Variants in RBFOX1 observed in about 807,000 individuals in gnomAD.
RBFOX1 encodes the protein RNA binding fox-1 homolog 1.
RBFOX1 carries 8 observed loss-of-function variants against 57.7 expected under a neutral mutation model. The observed-to-expected ratio is 0.14, with a 90% CI of 0.08 to 0.25. The LOEUF (loss-of-function observed/expected upper bound fraction) is 0.25, where lower values mean the gene tolerates loss of function less well. Ranked by LOEUF, RBFOX1 falls within the 10% of genes least tolerant of loss-of-function variation. RBFOX1 has a pLI of 1.00. For missense variants in RBFOX1, 611 were observed against 548.5 expected (o/e 1.11, Z -1.14); for synonymous variants, 326 against 222.4 (o/e 1.47, Z -4.15).
chr16:7,430,306 A>G (rs940440804), intron 4 of RBFOX1, among the ~76,000 whole-genome samples: 1 of 152,192 alleles, frequency 6.6e-6, no homozygotes, highest in Non-Finnish European at 1.5e-5. Flanking sequence ...TCCCAAAAGC[A>G]AAGCTGCAGC....
chr16:6,972,346 G>A (rs1025807818), intron 3 of RBFOX1, among the ~76,000 whole-genome samples: 1 of 151,760 alleles, frequency 6.6e-6, no homozygotes, highest in African/African-American at 2.4e-5. Flanking sequence ...ATTATACAGC[G>A]TTTCTCCTTT....
intron 12 of RBFOX1, among the ~76,000 whole-genome samples, chr16:7,660,905 A>T (rs2067557849): frequency 6.6e-6 from 1 of 152,180 alleles, no homozygotes; most frequent in South Asian, 2.1e-4. Flanking sequence ...CTGGGCTCAA[A>T]TCCCAGTTCA....
chr16:6,985,801 T>A (rs1411147826), intron 3 of RBFOX1, among the ~76,000 whole-genome samples: 1 of 127,820 alleles, frequency 7.8e-6, no homozygotes, highest in African/African-American at 3.1e-5. Context: ...GCTACTGCAC[T>A]CCGGCCTGGG....
chr16:5,431,589 G>A lies in RBFOX1; in HGVS notation c.220-35627G>A, dbSNP rs374780359. On this transcript the variant is annotated intron_variant, in intron 1 of 2. Transcript: ENST00000585867. ...GGGGTTTCACCATGTTGGCCAGGCT[G>A]GTCTCGAACTCCTGACCTTGTGATC... Among the ~76,000 whole-genome samples the A allele has an allele frequency of 1.8e-4, 27 of 152,178 alleles. 1 individual carries two copies. In the South Asian group the frequency reaches 5.0e-3, roughly 28 times the overall value.
intron 4 of RBFOX1, among the ~76,000 whole-genome samples, chr16:7,200,916 A>G (rs768014254): frequency 6.6e-6 from 1 of 152,196 alleles, no homozygotes; most frequent in Non-Finnish European, 1.5e-5. Context: ...ATGGAATAAA[A>G]AAGTGAATGA....
chr16:7,352,829 C>A (rs1056145010), intron 4 of RBFOX1, among the ~76,000 whole-genome samples: 4 of 152,228 alleles, frequency 2.6e-5, no homozygotes, highest in Admixed American at 1.3e-4. Flanking sequence ...GATCCTCCCA[C>A]CTCAACCTCC....
intron 1 of RBFOX1, among the ~76,000 whole-genome samples, chr16:5,380,394 C>G (rs1476156560): frequency 2.0e-5 from 3 of 152,148 alleles, no homozygotes; most frequent in African/African-American, 7.2e-5. Context: ...TAAAATATCC[C>G]CACAACTCAG....
chr16:6,984,437 C>T (rs2153597646), intron 3 of RBFOX1, among the ~76,000 whole-genome samples: 1 of 152,224 alleles, frequency 6.6e-6, no homozygotes, highest in South Asian at 2.1e-4. Context: ...GACGAACCAT[C>T]AGGAAAACAA....
In RBFOX1 at chr16:7,634,540, G is replaced by C. The variant is rs141977643; in HGVS notation, c.757+3857G>C. Among the ~76,000 whole-genome samples the C allele has an allele frequency of 2.2e-3, 328 of 152,212 alleles. 1 individual carries two copies. The highest frequency in any genetic ancestry group is 7.5e-3 in the African/African-American group (312 of 41,528). The stretch of plus-strand genomic sequence containing the variant: ...AAAATAATTCCTACTGAAGTTATCT[G>C]CTTTTGATATGCATTTTTGCATAAC... On this transcript the variant is annotated intron_variant, in intron 11 of 15. Coordinates refer to ENST00000550418, the MANE Select transcript of RBFOX1 (RefSeq NM_018723.4).
intron 3 of RBFOX1, among the ~76,000 whole-genome samples, chr16:5,758,620 A>G (rs2053480861): frequency 6.6e-6 from 1 of 152,196 alleles, no homozygotes; most frequent in African/African-American, 2.4e-5. Flanking sequence ...GAAAGGTACA[A>G]AATTAAGACC....
At chr16:7,035,559 A>C (rs1280042137) in intron 3 of RBFOX1, among the ~76,000 whole-genome samples, 4 of 152,146 alleles carry the variant, frequency 2.6e-5, no homozygotes, top group Non-Finnish European at 5.9e-5. Flanking sequence ...ACTTGTGAAA[A>C]TATTTTCTTT....
In RBFOX1 at chr16:7,711,597, ATTTTTTTC is replaced by A. The variant is rs1568631443; in HGVS notation, c.*861_*868del. 2 of 152,452 alleles carry A rather than the reference ATTTTTTTC, an allele frequency of 1.3e-5. No homozygotes were observed. 9.4% of individuals were successfully genotyped at this position (152,452 alleles called of 1,614,324 possible). On this transcript the variant is annotated 3_prime_UTR_variant, in exon 16 of 16. Transcript: ENST00000550418. ...AAGGTGATAAAAAAGCACTGTTTCTATTTTTTTCTTTTTTTCCAAAAAAAGAAAGTAAT... is the reference window on the plus strand; with the variant it reads ...AAGGTGATAAAAAAGCACTGTTTCTATTTTTTTCCAAAAAAAGAAAGTAAT...
intron 4 of RBFOX1, among the ~76,000 whole-genome samples, chr16:7,116,527 T>G (rs976460803): frequency 2.6e-5 from 4 of 152,192 alleles, no homozygotes; most frequent in Admixed American, 1.3e-4. Flanking sequence ...TGGATTTGTC[T>G]CTGCTCCAGC....
chr16:5,721,986 C>A (rs1273430900), intron 3 of RBFOX1, among the ~76,000 whole-genome samples: 2 of 152,110 alleles, frequency 1.3e-5, no homozygotes, highest in Non-Finnish European at 2.9e-5. Flanking sequence ...GCATTTTGAC[C>A]CCATAGCACA....
At chr16:5,337,559 A>G (rs1196441614) in intron 1 of RBFOX1, among the ~76,000 whole-genome samples, 3 of 152,228 alleles carry the variant, frequency 2.0e-5, no homozygotes, top group African/African-American at 7.2e-5. Context: ...CGAACAATAT[A>G]TGGCATAAAA....
At chr16:7,630,532 C>T in intron 10 of RBFOX1, 71 bp from the exon 11 acceptor site, 1 of 1,598,562 alleles carries the variant, frequency 6.3e-7, no homozygotes, top group South Asian at 1.1e-5. Context: ...TTCTCGGTTG[C>T]ATTGCCGTGA....
intron 10 of RBFOX1, among the ~76,000 whole-genome samples, chr16:7,624,112 T>G (rs1373653184): frequency 6.6e-6 from 1 of 152,216 alleles, no homozygotes; most frequent in Admixed American, 6.5e-5. Context: ...AGTTGTTCTG[T>G]GCCACCTTTG....
In RBFOX1 at chr16:5,915,217, G is replaced by C. The variant is rs1056253146; in HGVS notation, c.351+47882G>C. Among the ~76,000 whole-genome samples, 4 of 152,300 alleles carry C rather than the reference G, an allele frequency of 2.6e-5. No homozygotes were observed. In the East Asian group the frequency reaches 7.7e-4, roughly 29 times the overall value. On this transcript the variant is annotated intron_variant, in intron 4 of 19. Coordinates refer to the RBFOX1 transcript ENST00000641259. ...TGTTACATCCTCTGATGAGTGAACA[G>C]ATCCTAAGAGGTCAAGATCATCACT... is the stretch of plus-strand genomic sequence containing the variant.
chr16:7,346,914 G>A (rs1401637305), intron 4 of RBFOX1, among the ~76,000 whole-genome samples: 1 of 152,130 alleles, frequency 6.6e-6, no homozygotes, highest in Non-Finnish European at 1.5e-5. Context: ...AAAAACGAGA[G>A]GGGCAGCATT....
Sources: allele counts gnomAD v4.1 joint callset (sites outside exome capture counted in the v4.1 genomes callset), GRCh38; gene constraint gnomAD v4.1.1; transcripts MANE v1.5; gene names NCBI Gene and HGNC (gene_info 2026-07-23, HGNC 2026-07-21).